Variants in ADAMTS8 observed in about 807,000 individuals in gnomAD.
ADAMTS8 encodes the protein A disintegrin and metalloproteinase with thrombospondin motifs 8.
In ADAMTS8, 50 loss-of-function variants were observed where a neutral mutation model predicts 64.4. The ratio of observed to expected loss-of-function variants is 0.78; its 90% CI spans 0.62 to 0.98. The LOEUF is 0.98. Ranked by LOEUF, ADAMTS8 falls within the 50% of genes least tolerant of loss-of-function variation. The pLI, the probability that ADAMTS8 is intolerant of heterozygous loss-of-function variation, is 0.00. For missense variants in ADAMTS8, 1,192 were observed against 1,208.2 expected (o/e 0.99, Z 0.20); for synonymous variants, 556 against 533.6 (o/e 1.04, Z -0.58).
intron 1 of ADAMTS8, among the ~76,000 whole-genome samples, chr11:130,422,815 G>A (rs182762680): frequency 9.2e-5 from 14 of 152,308 alleles, no homozygotes; most frequent in African/African-American, 3.4e-4. Context: ...CTGAAACAGC[G>A]GTGGCCGGCA....
rs761209582 is a variant in ADAMTS8 at position 130,414,797 on chromosome 11, G to T, written c.1300C>A (p.Pro434Thr). 1 of 1,611,694 alleles carries T rather than the reference G, an allele frequency of 6.2e-7. No homozygotes were observed. The highest frequency in any genetic ancestry group is 1.1e-5 in the South Asian group (1 of 91,028). ...CGGCCCGGGAGGCCTGTGGGGAGGG[G>T]CAGGGCCGCAGCAGGGGCATCCAGG... ...CLLDAPAAAL[P>T]LPTGLPGRMA... is the part of the protein sequence containing the mutation. Residue 434 changes from proline to threonine, a missense_variant, in exon 5 of 9, where the codon CCC becomes ACC. Pro to Thr is a conservative substitution (Grantham distance 38, BLOSUM62 -1). Around this residue, in one of 5 missense-constraint regions of ADAMTS8, gnomAD observed 741 missense variants for 710.6 expected, o/e 1.04. Transcript: ENST00000257359.
At chr11:130,415,837 G>C (rs540789733) in intron 4 of ADAMTS8, among the ~76,000 whole-genome samples, 3 of 152,026 alleles carry the variant, frequency 2.0e-5, no homozygotes, top group African/African-American at 4.8e-5. Context: ...CCTCTGTCAC[G>C]CCTGAGCTGT....
intron 1 of ADAMTS8, among the ~76,000 whole-genome samples, chr11:130,421,602 C>T (rs1390763823): frequency 6.6e-6 from 1 of 152,222 alleles, no homozygotes; most frequent in Non-Finnish European, 1.5e-5. Context: ...CTCTCCTTAT[C>T]TCTTGTTCTA....
Position 130,411,611 on chromosome 11 carries a change from C to T in ADAMTS8, c.1567-11G>A, listed in dbSNP as rs1215427934. On this transcript the variant is annotated splice_polypyrimidine_tract_variant and intron_variant, in intron 5 of 8. Coordinates refer to ENST00000257359, the MANE Select transcript of ADAMTS8 (RefSeq NM_007037.6). The surrounding 1 kb of genome is among the most constrained non-coding windows in gnomAD (Gnocchi z 4.2). ...TCCATCTGCCACGGGCTGCAACATA[C>T]AATGGCACACTGAATGAGGAGCAAA... 12 of 1,613,450 alleles carry T rather than the reference C, an allele frequency of 7.4e-6. No individual in the cohort carries two copies. The highest frequency in any genetic ancestry group is 1.0e-5 in the Non-Finnish European group (12 of 1,179,650).
Position 130,408,784 on chromosome 11 carries a change from T to G in ADAMTS8, c.1907A>C (p.Lys636Thr). The G allele has an allele frequency of 6.2e-7, 1 of 1,614,124 alleles. No individual in the cohort carries two copies. Among genetic ancestry groups the G allele is most frequent in the Middle Eastern group, 1.6e-4 (1 of 6,062 alleles). Residue 636 changes from lysine (K) to threonine (T), a missense_variant, in exon 7 of 9, where the codon AAA (lysine) becomes ACA (threonine). Coordinates refer to ENST00000257359, the MANE Select transcript of ADAMTS8 (RefSeq NM_007037.6). ...FCRARGRSEF[K>T]VFEAKVIDGT... ...GATTCTCACCTTGGCCTCGAACACT[T>G]TGAACTCGCTCCTCCCCCGGGCTCG... is the stretch of plus-strand genomic sequence containing the variant.
chr11:130,414,559 A>ACT lies in ADAMTS8; in HGVS notation c.1537_1538insAG (p.Leu513GlnfsTer131). Reference sequence around the variant, plus strand: ...GGGCCTCTCCACTTCCTCCTCAGGTAGACAGCTGCCTTCTGAGCAGAGGTG... The same window carrying ACT: ...GGGCCTCTCCACTTCCTCCTCAGGTACTGACAGCTGCCTTCTGAGCAGAGGTG... On this transcript the variant is annotated frameshift_variant, in exon 5 of 9. Coordinates refer to ENST00000257359, the MANE Select transcript of ADAMTS8 (RefSeq NM_007037.6). LOFTEE classifies it high-confidence loss of function. 6.2e-7 allele frequency: 1 copy of ACT among 1,607,158 alleles called. No homozygotes were observed. Among genetic ancestry groups the ACT allele is most frequent in the Admixed American group, 1.7e-5 (1 of 59,784 alleles).
intron 5 of ADAMTS8, among the ~76,000 whole-genome samples, chr11:130,413,877 T>A (rs1861984253): frequency 6.6e-6 from 1 of 152,146 alleles, no homozygotes; most frequent in Non-Finnish European, 1.5e-5. Context: ...TGACAGTGGC[T>A]CCATCTGTTG....
intron 5 of ADAMTS8, among the ~76,000 whole-genome samples, chr11:130,413,572 A>T (rs1861980174): frequency 1.3e-5 from 2 of 152,198 alleles, no homozygotes; most frequent in South Asian, 4.1e-4. Context: ...TCAGCCTCAC[A>T]GTTTGGATGT....
chr11:130,405,770 T>C lies in ADAMTS8; in HGVS notation c.2458A>G (p.Lys820Glu), dbSNP rs1861872156. 14 of 1,614,172 alleles carry C rather than the reference T, an allele frequency of 8.7e-6. No individual in the cohort carries two copies. The highest frequency in any genetic ancestry group is 1.2e-5 in the Non-Finnish European group (14 of 1,180,050). The change falls in exon 9 of 9, where the codon AAA (lysine) becomes GAA (glutamate). Residue 820 changes from lysine (K) to glutamate (E), a missense_variant. Around this residue, in one of 5 missense-constraint regions of ADAMTS8, gnomAD observed 147 missense variants for 154.1 expected, o/e 0.95. Coordinates refer to ENST00000257359, the MANE Select transcript of ADAMTS8 (RefSeq NM_007037.6). ...ATGATGTTGGTGGTTGCTCTCTCTT[T>C]GCTGCTCTGCATGCTAAAGTCCACG... Reference protein sequence around the residue: ...NDVDFSMQSSKERATTNIIQP... With the variant: ...NDVDFSMQSSEERATTNIIQP...
Position 130,428,146 on chromosome 11 carries a change from G to A in ADAMTS8, c.141C>T (p.Pro47=), listed in dbSNP as rs1266006887. Residue 47 remains proline, a synonymous_variant, in exon 1 of 9, where the codon CCC becomes CCT. Transcript: ENST00000257359. ...GGAGCGCGAGCTCGCCCGCGCTGCC[G>A]GGCAACCGCGTGGGCACCACCAGCT... ...ASELVVPTRL[P]GSAGELALHL... 5 of 1,484,910 alleles carry A rather than the reference G, an allele frequency of 3.4e-6. No homozygotes were observed. Among genetic ancestry groups the A allele is most frequent in the Non-Finnish European group, 4.4e-6 (5 of 1,126,226 alleles). 92.0% of individuals were successfully genotyped at this position (1,484,910 alleles called of 1,614,324 possible).
chr11:130,425,827 T>C (rs972925617), intron 1 of ADAMTS8, among the ~76,000 whole-genome samples: 2 of 152,082 alleles, frequency 1.3e-5, no homozygotes, highest in Non-Finnish European at 2.9e-5. Flanking sequence ...GGTCTTGATC[T>C]CCTGAGCTTG....
At position 130,411,616 on chromosome 11, in the gene ADAMTS8, G is replaced by A. The variant is rs372048107; in HGVS notation, c.1567-16C>T. The A allele has an allele frequency of 6.0e-5, 97 of 1,613,120 alleles. No homozygotes were observed. Among genetic ancestry groups the A allele is most frequent in the Non-Finnish European group, 8.0e-5 (94 of 1,179,470 alleles). ...CTGCCACGGGCTGCAACATACAATG[G>A]CACACTGAATGAGGAGCAAAGGCCA... On this transcript the variant is annotated splice_polypyrimidine_tract_variant and intron_variant, in intron 5 of 8. Transcript: ENST00000257359. The surrounding 1 kb of genome is among the most constrained non-coding windows in gnomAD (Gnocchi z 4.2).
At position 130,428,497 on chromosome 11, in the gene ADAMTS8, C is replaced by T. The variant is rs1209362878; in HGVS notation, c.-211G>A. The T allele has an allele frequency of 1.0e-6, 1 of 969,806 alleles. No homozygotes were observed. The highest frequency in any genetic ancestry group is 1.2e-6 in the Non-Finnish European group (1 of 815,308). The allele number at this position is 969,806 out of a possible 1,614,324, so 60.1% of individuals were successfully genotyped here. On this transcript the variant is annotated 5_prime_UTR_variant, in exon 1 of 9. Transcript: ENST00000257359. ...CAGCCCGCTCCTCCCGCGCCGCCGCCCCCGAGCCGAGCGCGAGCAGCTGGC... is the reference window on the plus strand; with the variant it reads ...CAGCCCGCTCCTCCCGCGCCGCCGCTCCCGAGCCGAGCGCGAGCAGCTGGC...
At chr11:130,426,009 CT>C (rs1389420413) in intron 1 of ADAMTS8, among the ~76,000 whole-genome samples, 1 of 152,192 alleles carries the variant, frequency 6.6e-6, no homozygotes, top group Admixed American at 6.5e-5. Flanking sequence ...CTAGTACTTG[CT>C]TAAAGAAAGG....
At chr11:130,425,018 C>T (rs1056903061) in intron 1 of ADAMTS8, among the ~76,000 whole-genome samples, 16 of 152,106 alleles carry the variant, frequency 1.1e-4, no homozygotes, top group African/African-American at 2.2e-4. Flanking sequence ...TGTTTTGCTG[C>T]GCTCTCCTGG....
Position 130,409,010 on chromosome 11 carries a change from C to T in ADAMTS8, c.1751-70G>A, listed in dbSNP as rs1053530318. The T allele has an allele frequency of 8.2e-5, 122 of 1,487,566 alleles. 1 individual carries two copies. The highest frequency in any genetic ancestry group is 7.5e-4 in the African/African-American group (53 of 70,630). The allele number at this position is 1,487,566 out of a possible 1,614,324, so 92.1% of individuals were successfully genotyped here. Reference sequence around the variant, plus strand: ...GCAGGAGCATCCGGTGGAGAAATCCCGAATTTACAGCACTTTTCTTCTTTC... The same window carrying T: ...GCAGGAGCATCCGGTGGAGAAATCCTGAATTTACAGCACTTTTCTTCTTTC... On this transcript the variant is annotated intron_variant, in intron 6 of 8. Coordinates refer to ENST00000257359, the MANE Select transcript of ADAMTS8 (RefSeq NM_007037.6).
intron 4 of ADAMTS8, among the ~76,000 whole-genome samples, chr11:130,415,087 C>T (rs1488277966): frequency 6.6e-6 from 1 of 152,178 alleles, no homozygotes; most frequent in Non-Finnish European, 1.5e-5. Context: ...TTCTGTGTAC[C>T]CAGTGAATGC....
chr11:130,406,155 T>C (rs781614379), intron 8 of ADAMTS8, 27 bp from the exon 9 acceptor site: 1 of 1,583,758 alleles, frequency 6.3e-7, no homozygotes, highest in Non-Finnish European at 8.6e-7. Context: ...AGGACACCCT[T>C]AGACCAGTGG....
rs1183543530 is a variant in ADAMTS8, at chr11:130,419,780, C to T, written c.721-488G>A. ...CTTGCCAACCACCCCCACCCGTCCC[C>T]GGCCTCAGCCCAGAAGCAAAGTTCT... On this transcript the variant is annotated intron_variant, in intron 1 of 8. Coordinates refer to ENST00000257359, the MANE Select transcript of ADAMTS8 (RefSeq NM_007037.6). Among the ~76,000 whole-genome samples, 7 of 152,202 alleles carry T rather than the reference C, an allele frequency of 4.6e-5. No homozygotes were observed. The East Asian group carries it at 5.8e-4, about 13-fold the overall frequency.
Sources: allele counts gnomAD v4.1 joint callset (sites outside exome capture counted in the v4.1 genomes callset), GRCh38; gene constraint gnomAD v4.1.1; regional missense constraint gnomAD v4.1.1; non-coding constraint Gnocchi (gnomAD v3.1); transcripts MANE v1.5; gene names NCBI Gene and HGNC (gene_info 2026-07-23, HGNC 2026-07-21).